The following DCLK1 variants were observed in gnomAD, a reference collection of about 807,000 sequenced individuals.
DCLK1 encodes the protein serine/threonine-protein kinase DCLK1.
In DCLK1, 16 loss-of-function variants were observed where a neutral mutation model predicts 86.2. The observed-to-expected ratio is 0.19, with a 90% CI of 0.13 to 0.28. The LOEUF (loss-of-function observed/expected upper bound fraction) is 0.28. DCLK1 is among the 10% of genes least tolerant of loss of function. DCLK1 has a pLI of 1.00. For missense variants in DCLK1, 590 were observed against 940.2 expected, an observed-to-expected ratio of 0.63 and a Z score of 4.87; for synonymous variants, 369 against 370.5, an observed-to-expected ratio of 1.00 and a Z score of 0.05.
chr13:35,810,589 T>C (rs1207831642), intron 12 of DCLK1, among the ~76,000 whole-genome samples: 1 of 152,266 alleles, frequency 6.6e-6, no homozygotes, highest in Non-Finnish European at 1.5e-5. Context: ...TAATAACTTC[T>C]GTTCTACCTT....
At chr13:35,887,307 C>T (rs1472958531) in intron 4 of DCLK1, among the ~76,000 whole-genome samples, 1 of 152,188 alleles carries the variant, frequency 6.6e-6, no homozygotes, top group Non-Finnish European at 1.5e-5. Flanking sequence ...TGGTGAACAT[C>T]TCAGTGTTAG....
At chr13:36,109,355 T>A (rs1455903688) in intron 3 of DCLK1, among the ~76,000 whole-genome samples, 4 of 152,232 alleles carry the variant, frequency 2.6e-5, no homozygotes, top group Admixed American at 1.3e-4. Flanking sequence ...CAATTCTTTC[T>A]CAATACATTT....
intron 3 of DCLK1, among the ~76,000 whole-genome samples, chr13:35,978,225 T>TC (rs1285588401): frequency 3.4e-5 from 5 of 147,652 alleles, no homozygotes; most frequent in African/African-American, 1.0e-4. Context: ...TTTTTTTTTT[T>TC]TGACGGAGTC....
rs1202159323 is a variant in DCLK1, at chr13:35,773,809, A to G, written c.*726T>C. On this transcript the variant is annotated 3_prime_UTR_variant, in exon 17 of 17. Coordinates refer to ENST00000360631, the MANE Select transcript of DCLK1 (RefSeq NM_001330071.2). ...TAGCAGCAGCTGATATGGAAGCAGC[A>G]TTTCTGGGGCGTCATCAGTACATCT... 2 of 152,570 alleles carry G rather than the reference A, an allele frequency of 1.3e-5. No homozygotes were observed. Among genetic ancestry groups the G allele is most frequent in the Non-Finnish European group, 2.9e-5 (2 of 68,066 alleles). 9.5% of individuals were successfully genotyped at this position (152,570 alleles called of 1,614,324 possible).
intron 4 of DCLK1, among the ~76,000 whole-genome samples, chr13:35,899,668 G>A (rs1173518317): frequency 2.0e-5 from 3 of 152,148 alleles, no homozygotes; most frequent in African/African-American, 7.2e-5. Context: ...CTACAACACT[G>A]TACAGTGTTA....
Position 35,949,012 on chromosome 13 carries a change from CT to C in DCLK1, c.724-1556del, listed in dbSNP as rs144626283. Reference sequence around the variant, plus strand: ...TTCTAGCATCATCTCAATCAACCCCCTATGGCCATTTTCATTTTACATTTCA... The same window carrying C: ...TTCTAGCATCATCTCAATCAACCCCCATGGCCATTTTCATTTTACATTTCA... On this transcript the variant is annotated intron_variant, in intron 3 of 16. Transcript: ENST00000360631. 6.5e-3 allele frequency among the ~76,000 whole-genome samples: 992 copies of C among 152,270 alleles called. 10 individuals carry two copies. The highest frequency in any genetic ancestry group is 0.023 in the African/African-American group (944 of 41,554).
chr13:36,102,077 A>G (rs546220689), intron 3 of DCLK1, among the ~76,000 whole-genome samples: 1 of 152,200 alleles, frequency 6.6e-6, no homozygotes, highest in African/African-American at 2.4e-5. Context: ...GATGAAGCAT[A>G]CACCTGTGCA....
chr13:35,954,166 A>G (rs761374475), intron 3 of DCLK1, among the ~76,000 whole-genome samples: 1 of 152,082 alleles, frequency 6.6e-6, no homozygotes, highest in Non-Finnish European at 1.5e-5. Flanking sequence ...TCTGTAGCTA[A>G]CAGTTTAATG....
intron 4 of DCLK1, among the ~76,000 whole-genome samples, chr13:35,934,186 G>A (rs892377471): frequency 1.3e-5 from 2 of 152,086 alleles, no homozygotes; most frequent in Admixed American, 6.6e-5. Flanking sequence ...GGACGTTATT[G>A]TCCATATCGC....
intron 8 of DCLK1, among the ~76,000 whole-genome samples, chr13:35,831,974 A>C (rs1417432365): frequency 6.6e-6 from 1 of 152,128 alleles, no homozygotes; most frequent in African/African-American, 2.4e-5. Context: ...CCCCTCACCC[A>C]GGGAGTGTAG....
At chr13:35,968,577 A>G (rs1878897081) in intron 3 of DCLK1, among the ~76,000 whole-genome samples, 1 of 152,150 alleles carries the variant, frequency 6.6e-6, no homozygotes, top group Admixed American at 6.5e-5. Context: ...TGACAATACA[A>G]CAATAGCATT....
intron 4 of DCLK1, among the ~76,000 whole-genome samples, chr13:35,888,066 T>C (rs1873402830): frequency 6.6e-6 from 1 of 152,140 alleles, no homozygotes; most frequent in African/African-American, 2.4e-5. Flanking sequence ...TAAGAGTGAG[T>C]TAATTATCAA....
intron 2 of DCLK1, among the ~76,000 whole-genome samples, chr13:36,117,393 C>A (rs747227911): frequency 1.3e-5 from 2 of 151,928 alleles, no homozygotes; most frequent in Non-Finnish European, 2.9e-5. Flanking sequence ...TACTCTTGTA[C>A]CTATTATAAT....
intron 3 of DCLK1, among the ~76,000 whole-genome samples, chr13:35,965,763 A>C (rs568907311): frequency 6.6e-6 from 1 of 152,174 alleles, no homozygotes; most frequent in East Asian, 1.9e-4. Context: ...GGAGTAGAGC[A>C]CTTGTATTCT....
At chr13:35,826,537 A>T (rs1404389940) in intron 10 of DCLK1, among the ~76,000 whole-genome samples, 1 of 60,240 alleles carries the variant, frequency 1.7e-5, no homozygotes, top group East Asian at 6.3e-4. Context: ...AAAAAAAAAA[A>T]AAAAAGAAAG....
rs2086362449 is a variant in DCLK1 at position 35,773,062 on chromosome 13, C to G, written c.*1473G>C. 1 of 152,136 alleles carries G rather than the reference C, an allele frequency of 6.6e-6. No homozygotes were observed. The highest frequency in any genetic ancestry group is 6.5e-5 in the Admixed American group (1 of 15,280). The allele number at this position is 152,136 out of a possible 1,614,324, so 9.4% of individuals were successfully genotyped here. A position where few individuals can be genotyped will look rare whatever the true frequency, so the allele number is the denominator to read the frequency against. ...CTTGGGAATACATTTGAGTTGGGCACCTGCCTCTAAGACACCCCAGGAGAA... is the reference window on the plus strand; with the variant it reads ...CTTGGGAATACATTTGAGTTGGGCAGCTGCCTCTAAGACACCCCAGGAGAA... On this transcript the variant is annotated 3_prime_UTR_variant, in exon 17 of 17. Transcript: ENST00000360631.
chr13:35,833,191 C>G (rs1398650003), intron 8 of DCLK1, among the ~76,000 whole-genome samples: 2 of 152,128 alleles, frequency 1.3e-5, no homozygotes, highest in Admixed American at 6.5e-5. Flanking sequence ...GCCTATATCA[C>G]TAAGCAATGC....
At chr13:36,063,068 T>C (rs944797973) in intron 3 of DCLK1, among the ~76,000 whole-genome samples, 1 of 152,190 alleles carries the variant, frequency 6.6e-6, no homozygotes, top group African/African-American at 2.4e-5. Context: ...GTCTGTTTAA[T>C]TCAACTTGCC....
At chr13:35,876,195 T>A (rs1042181368) in intron 4 of DCLK1, among the ~76,000 whole-genome samples, 2 of 152,140 alleles carry the variant, frequency 1.3e-5, no homozygotes, top group African/African-American at 4.8e-5. Context: ...AGAAATGGAG[T>A]TATAATGAAG....
Sources: gnomAD v4.1 joint callset for allele counts (sites outside exome capture counted in the v4.1 genomes callset) on GRCh38, gnomAD v4.1.1 for gene constraint, MANE v1.5 for transcripts, NCBI Gene and HGNC (gene_info 2026-07-23, HGNC 2026-07-21) for gene names.